Variants in ANO2 observed in about 807,000 individuals in gnomAD.
ANO2 encodes the protein anoctamin 2.
ANO2 carries 101 observed loss-of-function variants against 124.2 expected under a neutral mutation model. The ratio of observed to expected loss-of-function variants is 0.81; its 90% confidence interval spans 0.69 to 0.96. The LOEUF is 0.96. ANO2 is among the 40% of genes least tolerant of loss of function. The pLI is 0.00. For missense variants in ANO2, 1,293 were observed against 1,274.5 expected (o/e 1.01, Z -0.22); for synonymous variants, 486 against 482.5 (o/e 1.01, Z -0.09).
chr12:5,827,893 C>T, intron 6 of ANO2, 73 bp from the exon 7 acceptor site: 2 of 1,530,722 alleles, frequency 1.3e-6, no homozygotes, highest in Non-Finnish European at 1.8e-6. Context: ...ACCCTCACCA[C>T]TGCCTGGCAG....
chr12:5,596,640 CT>C (rs1385941499), intron 20 of ANO2, among the ~76,000 whole-genome samples: 1 of 151,410 alleles, frequency 6.6e-6, no homozygotes, highest in African/African-American at 2.4e-5. Context: ...TAGTTCTTTA[CT>C]TTTTTTTTCA....
At chr12:5,920,889 A>G in intron 3 of ANO2, 151 bp downstream of exon 3, 1 of 985,394 alleles carries the variant, frequency 1.0e-6, no homozygotes, top group Non-Finnish European at 1.4e-6. Context: ...TTTTAAAAAA[A>G]GAAAGAAACA....
intron 4 of ANO2, among the ~76,000 whole-genome samples, chr12:5,841,146 A>C (rs987839419): frequency 1.3e-5 from 2 of 152,206 alleles, no homozygotes; most frequent in African/African-American, 4.8e-5. Flanking sequence ...CATGCTGCTG[A>C]AATCTGTCCC....
chr12:5,689,272 C>T (rs1470406880), intron 14 of ANO2, among the ~76,000 whole-genome samples: 1 of 151,984 alleles, frequency 6.6e-6, no homozygotes, highest in East Asian at 1.9e-4. Flanking sequence ...AATCTTTGAC[C>T]TAATTTTGGT....
intron 10 of ANO2, among the ~76,000 whole-genome samples, chr12:5,790,823 C>T (rs1313596416): frequency 6.6e-6 from 1 of 152,186 alleles, no homozygotes; most frequent in African/African-American, 2.4e-5. Flanking sequence ...CAAAGCTCTG[C>T]ATTCAGCAGA....
At chr12:5,720,437 A>AT (rs1310499291) in intron 14 of ANO2, among the ~76,000 whole-genome samples, 2 of 152,158 alleles carry the variant, frequency 1.3e-5, no homozygotes, top group South Asian at 2.1e-4. Context: ...AGGAAGTGAA[A>AT]TAACGACCTT....
intron 24 of ANO2, among the ~76,000 whole-genome samples, chr12:5,564,019 G>A (rs149986951): frequency 2.4e-3 from 361 of 152,288 alleles, no homozygotes; most frequent in African/African-American, 7.7e-3. Flanking sequence ...GGGCTGTCAC[G>A]GTGCCACTTG....
At chr12:5,775,602 C>A (rs1952213155) in intron 10 of ANO2, among the ~76,000 whole-genome samples, 1 of 151,906 alleles carries the variant, frequency 6.6e-6, no homozygotes, top group Admixed American at 6.6e-5. Context: ...GCTGGGAGTA[C>A]AGGCGTCTGC....
At chr12:5,801,855 G>A (rs1409686475) in intron 9 of ANO2, among the ~76,000 whole-genome samples, 1 of 152,150 alleles carries the variant, frequency 6.6e-6, no homozygotes, top group African/African-American at 2.4e-5. Flanking sequence ...CACATCTTGG[G>A]TGCTTCTACT....
intron 10 of ANO2, among the ~76,000 whole-genome samples, chr12:5,796,803 G>T (rs780613955): frequency 6.6e-6 from 1 of 152,192 alleles, no homozygotes; most frequent in East Asian, 1.9e-4. Context: ...TCAAAATGAG[G>T]CCTGAAGGCC....
At chr12:5,928,193 G>A (rs1942176749) in intron 1 of ANO2, among the ~76,000 whole-genome samples, 1 of 152,150 alleles carries the variant, frequency 6.6e-6, no homozygotes, top group East Asian at 1.9e-4. Flanking sequence ...GGGCAGTTGG[G>A]CTTTTCCTCT....
intron 14 of ANO2, among the ~76,000 whole-genome samples, chr12:5,656,961 C>T (rs538609628): frequency 3.9e-5 from 6 of 152,260 alleles, no homozygotes; most frequent in African/African-American, 1.2e-4. Context: ...TGCAGCAGGC[C>T]GAGGTCATCT....
chr12:5,649,128 A>G (rs1946789550), intron 14 of ANO2, among the ~76,000 whole-genome samples: 1 of 152,094 alleles, frequency 6.6e-6, no homozygotes, highest in Non-Finnish European at 1.5e-5. Flanking sequence ...CACACACCGA[A>G]AGGTTTAAGA....
intron 3 of ANO2, among the ~76,000 whole-genome samples, chr12:5,891,378 C>CT (rs1939384753): frequency 6.6e-6 from 1 of 152,110 alleles, no homozygotes; most frequent in Non-Finnish European, 1.5e-5. Context: ...ACCCCTGTTG[C>CT]TTTTTTCTCT....
rs1014990819 is a variant in ANO2, at chr12:5,943,781, T to C, written c.22+1415A>G. On this transcript the variant is annotated intron_variant, in intron 1 of 24. Coordinates refer to ENST00000682330, the MANE Select transcript of ANO2 (RefSeq NM_001364791.2). Reference sequence around the variant, plus strand: ...TGCTCTAGCAACGTCATACATAGGGTGGGATGGGCTTCTCTCAGCCCACAG... The same window carrying C: ...TGCTCTAGCAACGTCATACATAGGGCGGGATGGGCTTCTCTCAGCCCACAG... Among the ~76,000 whole-genome samples, 5 of 152,128 alleles carry C rather than the reference T, an allele frequency of 3.3e-5. No homozygotes were observed. The South Asian group carries it at 6.2e-4, about 19-fold the overall frequency.
chr12:5,804,137 G>A (rs1303662731), intron 9 of ANO2, among the ~76,000 whole-genome samples: 2 of 152,148 alleles, frequency 1.3e-5, no homozygotes, highest in African/African-American at 4.8e-5. Context: ...CAACCACCTC[G>A]AAGAACACTT....
intron 14 of ANO2, among the ~76,000 whole-genome samples, chr12:5,652,527 A>C (rs1334809793): frequency 2.0e-5 from 3 of 152,032 alleles, no homozygotes; most frequent in African/African-American, 7.2e-5. Flanking sequence ...GGTCCCCTCC[A>C]AGAAAACACC....
chr12:5,822,880 G>T (rs530569685), intron 7 of ANO2, among the ~76,000 whole-genome samples: 1 of 152,284 alleles, frequency 6.6e-6, no homozygotes, highest in Admixed American at 6.5e-5. Context: ...AATCATGGAG[G>T]GAGGCACTTC....
At chr12:5,845,021 C>T (rs866787144) in intron 4 of ANO2, among the ~76,000 whole-genome samples, 21 of 150,916 alleles carry the variant, frequency 1.4e-4, no homozygotes, top group African/African-American at 4.9e-4. Context: ...GCTGTAATCC[C>T]AGCACTTTGG....
Sources: gnomAD v4.1 joint callset for allele counts (sites outside exome capture counted in the v4.1 genomes callset) on GRCh38, gnomAD v4.1.1 for gene constraint, MANE v1.5 for transcripts, NCBI Gene and HGNC (gene_info 2026-07-23, HGNC 2026-07-21) for gene names.